ITGAX: variants seen among roughly 807,000 people sequenced by gnomAD.
ITGAX encodes integrin subunit alpha X.
A neutral mutation model predicts 140.2 loss-of-function variants in ITGAX; 99 were observed. The ratio of observed to expected loss-of-function variants is 0.71; its 90% CI spans 0.60 to 0.83. ITGAX has a LOEUF of 0.83. ITGAX is among the 40% of genes least tolerant of loss of function. The pLI is 0.00. For synonymous variants in ITGAX, 631 were observed against 600.4 expected (o/e 1.05, Z -0.75); for missense variants, 1,444 against 1,482.0 (o/e 0.97, Z 0.42).
Position 31,361,920 on chromosome 16 carries a change from C to A in ITGAX, c.1086+11C>A, listed in dbSNP as rs2080830857. The stretch of plus-strand genomic sequence containing the variant: ...GCTGTGTTCACACCTGTGAGTGGGG[C>A]CCCTTAGGCCGATGATGTGCCGTGA... On this transcript the variant is annotated intron_variant, in intron 10 of 29. Transcript: ENST00000268296. The A allele has an allele frequency of 6.2e-7, 1 of 1,613,814 alleles. No homozygotes were observed. Among genetic ancestry groups the A allele is most frequent in the African/African-American group, 1.3e-5 (1 of 74,912 alleles).
chr16:31,360,223 GA>G, intron 7 of ITGAX, 86 bp from the exon 8 acceptor site: 1 of 1,522,136 alleles, frequency 6.6e-7, no homozygotes, highest in Non-Finnish European at 8.8e-7. Context: ...CCTCCCAAAG[GA>G]AAAGGCATCT....
chr16:31,359,537 C>T (rs2080798238), intron 5 of ITGAX, among the ~76,000 whole-genome samples, 163 bp from the exon 6 acceptor site: 1 of 152,136 alleles, frequency 6.6e-6, no homozygotes, highest in African/African-American at 2.4e-5. Flanking sequence ...GAAGCTCTGC[C>T]CCTGATGAGG....
At position 31,366,323 on chromosome 16, in the gene ITGAX, C is replaced by T. The variant is rs1216227991; in HGVS notation, c.1710+2949C>T. Among the ~76,000 whole-genome samples, 7 of 152,160 alleles carry T rather than the reference C, an allele frequency of 4.6e-5. No homozygotes were observed. In the South Asian group the frequency reaches 6.2e-4, roughly 14 times the overall value. On this transcript the variant is annotated intron_variant, in intron 14 of 29. Coordinates refer to ENST00000268296, the MANE Select transcript of ITGAX (RefSeq NM_000887.5). Reference sequence around the variant, plus strand: ...CCTCTTTTTGGGGCACCATGAAGCACGTCCGTATATGAAGGCGAACTTCAT... The same window carrying T: ...CCTCTTTTTGGGGCACCATGAAGCATGTCCGTATATGAAGGCGAACTTCAT...
chr16:31,362,590 G>A lies in ITGAX; in HGVS notation c.1217-21G>A, dbSNP rs772775230. The A allele has an allele frequency of 5.0e-6, 8 of 1,604,802 alleles. No individual in the cohort carries two copies. The Admixed American group carries it at 6.8e-5, about 14-fold the overall frequency. The stretch of plus-strand genomic sequence containing the variant: ...GGGGAGGGGGAATGGGGGCCTTTGT[G>A]CTGAGGCCTGGGCCCCTCAGGTTAC... On this transcript the variant is annotated intron_variant, in intron 11 of 29. Transcript: ENST00000268296.
Position 31,362,828 on chromosome 16 carries a change from C to G in ITGAX, c.1359+75C>G, listed in dbSNP as rs2080847416. ...TGGGGCAGAGGAGAGGATGGAGGGG[C>G]TTTGAGGGCCTTGGGGGAGGTCCTG... On this transcript the variant is annotated intron_variant, in intron 12 of 29. Transcript: ENST00000268296. 18 of 1,605,574 alleles carry G rather than the reference C, an allele frequency of 1.1e-5. No individual in the cohort carries two copies. In the South Asian group the frequency reaches 1.9e-4, roughly 17 times the overall value.
At chr16:31,372,837 G>A (rs1016133880) in intron 19 of ITGAX, among the ~76,000 whole-genome samples, 167 bp downstream of exon 19, 3 of 152,076 alleles carry the variant, frequency 2.0e-5, no homozygotes, top group African/African-American at 4.8e-5. Flanking sequence ...TTGGGAGGCC[G>A]AGGTGGGAGG....
rs1008255554 is a variant in ITGAX at position 31,372,167 on chromosome 16, G to C, written c.2161-211G>C. 1.3e-4 allele frequency among the ~76,000 whole-genome samples: 18 copies of C among 138,902 alleles called. No homozygotes were observed. The East Asian group carries it at 2.8e-3, about 22-fold the overall frequency. The allele number at this position is 138,902 out of a possible 152,430, so 91.1% of individuals were successfully genotyped here. On this transcript the variant is annotated intron_variant, in intron 17 of 29. Coordinates refer to ENST00000268296, the MANE Select transcript of ITGAX (RefSeq NM_000887.5). ...CAGTCATTGCTGATCGGGAGGTCTGGGGGGGGGGAGGAAAAAAACAAAGAC... is the reference window on the plus strand; with the variant it reads ...CAGTCATTGCTGATCGGGAGGTCTGCGGGGGGGGAGGAAAAAAACAAAGAC...
In ITGAX at chr16:31,382,402, C is replaced by T. The variant is rs999735556; in HGVS notation, c.*495C>T. 34 of 1,531,906 alleles carry T rather than the reference C, an allele frequency of 2.2e-5. No individual in the cohort carries two copies. Among genetic ancestry groups the T allele is most frequent in the African/African-American group, 1.6e-4 (12 of 72,874 alleles). The allele number at this position is 1,531,906 out of a possible 1,614,324, so 94.9% of individuals were successfully genotyped here. A position where few individuals can be genotyped will look rare whatever the true frequency, so the allele number is the denominator to read the frequency against. On this transcript the variant is annotated 3_prime_UTR_variant, in exon 30 of 30. Transcript: ENST00000268296. ...CTGGGACTACAGGCACACGCCACCT[C>T]GCCCGGCCCGATCTTTCTAAAATAC...
chr16:31,363,213 C>T lies in ITGAX; in HGVS notation c.1549C>T (p.Pro517Ser), dbSNP rs1349872317. 1.2e-6 allele frequency: 2 copies of T among 1,613,052 alleles called. No individual in the cohort carries two copies. The highest frequency in any genetic ancestry group is 8.5e-7 in the Non-Finnish European group (1 of 1,179,572). Reference sequence around the variant, plus strand: ...TGTTCTCTACGGGGAGCAGGGCCACCCCTGGGGTCGCTTTGGGGCGGCTCT... The same window carrying T: ...TGTTCTCTACGGGGAGCAGGGCCACTCCTGGGGTCGCTTTGGGGCGGCTCT... Reference protein sequence around the residue: ...DAVLYGEQGHPWGRFGAALTV... With the variant: ...DAVLYGEQGHSWGRFGAALTV... The change falls in exon 14 of 30, where the codon CCC becomes TCC. Residue 517 changes from proline (P) to serine (S), a missense_variant. By Grantham distance (74) the Pro-to-Ser change is moderately conservative. Coordinates refer to ENST00000268296, the MANE Select transcript of ITGAX (RefSeq NM_000887.5).
chr16:31,359,795 G>A lies in ITGAX; in HGVS notation c.526G>A (p.Ala176Thr), dbSNP rs370729027. Residue 176 changes from alanine (A) to threonine (T), a missense_variant, in exon 6 of 30, where the codon GCT becomes ACT. Ala to Thr is a moderately conservative substitution (Grantham distance 58). Transcript: ENST00000268296. ...NFATMMNFVR[A>T]VISQFQRPST... ...TGCCACGATGATGAACTTCGTGAGA[G>A]CTGTGATAAGCCAGTTCCAGAGACC... The A allele has an allele frequency of 3.7e-5, 60 of 1,614,038 alleles. No homozygotes were observed. The highest frequency in any genetic ancestry group is 4.4e-5 in the Non-Finnish European group (52 of 1,180,054).
rs2080820004 is a variant in ITGAX, at chr16:31,361,130, A to G, written c.929A>G (p.Gln310Arg). 1 of 1,613,844 alleles carries G rather than the reference A, an allele frequency of 6.2e-7. No individual in the cohort carries two copies. Residue 310 changes from glutamine (Q) to arginine (R), a missense_variant, in exon 9 of 30, where the codon CAG (glutamine) becomes CGG (arginine). Coordinates refer to ENST00000268296, the MANE Select transcript of ITGAX (RefSeq NM_000887.5). ...ELNDIASKPS[Q>R]EHIFKVEDFD... ...AATGACATTGCATCGAAGCCCTCCC[A>G]GGAACACATATTTAAAGTGGAGGAC...
Position 31,379,578 on chromosome 16 carries a change from T to C in ITGAX, c.2800T>C (p.Phe934Leu). 1.3e-6 allele frequency: 2 copies of C among 1,561,240 alleles called. No homozygotes were observed. The highest frequency in any genetic ancestry group is 2.4e-5 in the South Asian group (2 of 84,800). ...VYTVVSSHEQFTKYLNFSESE... is the reference protein window; with the variant it reads ...VYTVVSSHEQLTKYLNFSESE... ...GTCTTCTCTCTCCAGCCACGAACAA[T>C]TCACCAAATACCTCAACTTCTCAGA... is the stretch of plus-strand genomic sequence containing the variant. The change falls in exon 24 of 30, where the codon TTC becomes CTC. Residue 934 changes from phenylalanine to leucine, a missense_variant. Physicochemically the swap from Phe to Leu is conservative, Grantham distance 22 (BLOSUM62 0). Coordinates refer to ENST00000268296, the MANE Select transcript of ITGAX (RefSeq NM_000887.5).
Position 31,382,124 on chromosome 16 carries a change from C to T in ITGAX, c.*217C>T. On this transcript the variant is annotated 3_prime_UTR_variant, in exon 30 of 30. Coordinates refer to ENST00000268296, the MANE Select transcript of ITGAX (RefSeq NM_000887.5). ...TTAGGACAGGGTCCCTGCTGTGTTCCCCAAAGGACTTGACTTGCAATTTCT... is the reference window on the plus strand; with the variant it reads ...TTAGGACAGGGTCCCTGCTGTGTTCTCCAAAGGACTTGACTTGCAATTTCT... 1 of 1,415,708 alleles carries T rather than the reference C, an allele frequency of 7.1e-7. No homozygotes were observed. Among genetic ancestry groups the T allele is most frequent in the South Asian group, 1.6e-5 (1 of 60,906 alleles). The allele number at this position is 1,415,708 out of a possible 1,614,324, so 87.7% of individuals were successfully genotyped here.
intron 10 of ITGAX, 33 bp downstream of exon 10, chr16:31,361,942 G>T (rs755967257): frequency 1.9e-6 from 3 of 1,613,204 alleles, no homozygotes; most frequent in African/African-American, 1.3e-5. Flanking sequence ...ATGATGTGCC[G>T]TGAGGGGAGG....
intron 19 of ITGAX, 60 bp downstream of exon 19, chr16:31,372,730 C>A: frequency 6.8e-7 from 1 of 1,478,738 alleles, no homozygotes; most frequent in Non-Finnish European, 9.4e-7. Flanking sequence ...GAATCTGGGA[C>A]TCCTGCCTCT....
chr16:31,378,618 T>A (rs2081040593), intron 23 of ITGAX, among the ~76,000 whole-genome samples: 1 of 151,864 alleles, frequency 6.6e-6, no homozygotes, highest in South Asian at 2.1e-4. Context: ...TACAGATGTG[T>A]GCCACCATGC....
intron 22 of ITGAX, 23 bp downstream of exon 22, chr16:31,377,102 C>T (rs1167400589): frequency 6.2e-7 from 1 of 1,613,222 alleles, no homozygotes; most frequent in Non-Finnish European, 8.5e-7. Flanking sequence ...AGGCCAGGGG[C>T]AGTGCCCCTC....
At chr16:31,380,807 G>A in intron 28 of ITGAX, 90 bp from the exon 29 acceptor site, 2 of 1,309,396 alleles carry the variant, frequency 1.5e-6, no homozygotes, top group Non-Finnish European at 1.1e-6. Context: ...CCTGGGGAAG[G>A]AGGGGAGGGA....
chr16:31,378,166 G>A (rs951948160), intron 23 of ITGAX, among the ~76,000 whole-genome samples: 1 of 152,182 alleles, frequency 6.6e-6, no homozygotes. Context: ...CCAAGCCCCA[G>A]GCCCGGAAAA....
Sources: allele counts gnomAD v4.1 joint callset (sites outside exome capture counted in the v4.1 genomes callset), GRCh38; gene constraint gnomAD v4.1.1; transcripts MANE v1.5; gene names NCBI Gene and HGNC (gene_info 2026-07-23, HGNC 2026-07-21).